The following PTPRA variants were observed in gnomAD, a reference collection of about 807,000 sequenced individuals.
PTPRA encodes the protein receptor-type tyrosine-protein phosphatase alpha.
In PTPRA, 25 loss-of-function variants were observed where a neutral mutation model predicts 104.8. The observed-to-expected ratio is 0.24, with a 90% CI of 0.17 to 0.33. The LOEUF (loss-of-function observed/expected upper bound fraction) is 0.33, where lower values mean the gene tolerates loss of function less well. Ranked by LOEUF, PTPRA falls within the 10% of genes least tolerant of loss-of-function variation. The pLI is 1.00. For synonymous variants in PTPRA, 323 were observed against 368.9 expected (o/e 0.88, Z 1.43); for missense variants, 765 against 1,015.3 (o/e 0.75, Z 3.35).
intron 5 of PTPRA, among the ~76,000 whole-genome samples, chr20:2,973,213 G>T (rs1371889263): frequency 6.7e-6 from 1 of 150,196 alleles, no homozygotes. Flanking sequence ...TTGCTATTGT[G>T]CATTTATAGT....
At chr20:2,864,881 C>T in the PTPRA span, 1 of 1,548,666 alleles carries the variant, frequency 6.5e-7, no homozygotes. This position sits in a 1 kb window ranked among gnomAD's most constrained non-coding sequence, Gnocchi z 5.2. Context: ...ACCCTGGCGA[C>T]CCTGGGCACA....
chr20:2,941,419 C>A (rs896626152), intron 2 of PTPRA, among the ~76,000 whole-genome samples: 13 of 152,134 alleles, frequency 8.5e-5, no homozygotes, highest in Admixed American at 2.0e-4. Context: ...TCCCTGTCAC[C>A]CCAAGAGCAA....
chr20:3,029,135 TTTTGTTTGTTTG>T lies in PTPRA; in HGVS notation c.1920+1307_1920+1318del, dbSNP rs71195812. ...ATCAGGATTTTTTTTTTTTTTTTGG[TTTTGTTTGTTTG>T]TTTGTTTGTTTGAGAGAGGGTCTCA... is the stretch of plus-strand genomic sequence containing the variant. On this transcript the variant is annotated intron_variant, in intron 20 of 23. Coordinates refer to ENST00000399903, the MANE Select transcript of PTPRA (RefSeq NM_001385305.1). Among the ~76,000 whole-genome samples the T allele has an allele frequency of 4.6e-5, 6 of 131,626 alleles. No individual in the cohort carries two copies. In the East Asian group the frequency reaches 1.4e-3, roughly 31 times the overall value. The allele number at this position is 131,626 out of a possible 152,430, so 86.4% of individuals were successfully genotyped here. A position where few individuals can be genotyped will look rare whatever the true frequency, so the allele number is the denominator to read the frequency against.
At chr20:2,913,808 A>G (rs2059804597) in intron 1 of PTPRA, among the ~76,000 whole-genome samples, 1 of 152,052 alleles carries the variant, frequency 6.6e-6, no homozygotes, top group Admixed American at 6.6e-5. Flanking sequence ...TCAGTATTTT[A>G]TGAGGAGGAG....
chr20:2,928,015 A>G (rs1349302034), intron 2 of PTPRA, among the ~76,000 whole-genome samples: 2 of 151,440 alleles, frequency 1.3e-5, no homozygotes, highest in Admixed American at 6.6e-5. Flanking sequence ...ATCTCAGTCA[A>G]TCAATCAGTC....
In PTPRA at chr20:3,038,254, C is replaced by A; in HGVS notation, c.*121C>A. 1.1e-6 allele frequency: 1 copy of A among 876,128 alleles called. No individual in the cohort carries two copies. The highest frequency in any genetic ancestry group is 1.8e-6 in the Non-Finnish European group (1 of 566,922). 54.3% of individuals were successfully genotyped at this position (876,128 alleles called of 1,614,324 possible). A position where few individuals can be genotyped will look rare whatever the true frequency, so the allele number is the denominator to read the frequency against. ...ACTGTTTTAGAAATTGGTACATAGGCTTCTATTACCTATTAGGTGGAAATT... is the reference window on the plus strand; with the variant it reads ...ACTGTTTTAGAAATTGGTACATAGGATTCTATTACCTATTAGGTGGAAATT... On this transcript the variant is annotated 3_prime_UTR_variant, in exon 24 of 24. Transcript: ENST00000399903.
intron 3 of PTPRA, among the ~76,000 whole-genome samples, chr20:2,948,843 T>A (rs1190083146): frequency 1.3e-5 from 2 of 151,894 alleles, no homozygotes; most frequent in African/African-American, 2.4e-5. Flanking sequence ...TCCCAGCTGC[T>A]GGGGAGGCTG....
At chr20:2,866,147 C>A in the PTPRA span, 2 of 1,453,778 alleles carry the variant, frequency 1.4e-6, no homozygotes, top group South Asian at 2.3e-5. Flanking sequence ...CGCCTCTGCT[C>A]GTAAGAGAGA....
upstream of PTPRA, among the ~76,000 whole-genome samples, chr20:2,869,181 A>G (rs1392063276): frequency 1.3e-5 from 2 of 152,218 alleles, no homozygotes; most frequent in African/African-American, 4.8e-5. Context: ...GCATCTTACT[A>G]TATCACACAT....
At chr20:2,963,485 T>G (rs1033760556) in intron 3 of PTPRA, among the ~76,000 whole-genome samples, 3 of 151,822 alleles carry the variant, frequency 2.0e-5, no homozygotes, top group African/African-American at 7.3e-5. Context: ...TCTCAGCTAC[T>G]CGGGAGGCTG....
intron 3 of PTPRA, among the ~76,000 whole-genome samples, chr20:2,960,216 CCTCT>C (rs1031780765): frequency 6.6e-6 from 1 of 151,834 alleles, no homozygotes; most frequent in African/African-American, 2.4e-5. Context: ...CCTGCTTACT[CCTCT>C]CTCCCTTTTC....
intron 1 of PTPRA, among the ~76,000 whole-genome samples, chr20:2,874,302 A>G (rs1490185401): frequency 1.3e-5 from 2 of 152,130 alleles, no homozygotes; most frequent in Admixed American, 6.5e-5. Context: ...GAATAGGCCA[A>G]TTGAGAACGC....
chr20:2,916,323 G>T (rs1013366022), intron 1 of PTPRA, among the ~76,000 whole-genome samples: 5 of 152,054 alleles, frequency 3.3e-5, no homozygotes, highest in Admixed American at 2.0e-4. Flanking sequence ...GATTACAGGC[G>T]TGAGCCACCA....
chr20:3,005,119 A>G lies in PTPRA; in HGVS notation c.802A>G (p.Lys268Glu). 1 of 1,608,264 alleles carries G rather than the reference A, an allele frequency of 6.2e-7. No homozygotes were observed. Among genetic ancestry groups the G allele is most frequent in the Non-Finnish European group, 8.5e-7 (1 of 1,174,630 alleles). Residue 268 changes from lysine to glutamate, a missense_variant, in exon 10 of 24, where the codon AAA becomes GAA. Physicochemically the swap from Lys to Glu is moderately conservative, Grantham distance 56 (BLOSUM62 1). Around this residue, in one of 4 missense-constraint regions of PTPRA, gnomAD observed 245 missense variants for 398.7 expected, o/e 0.61. Transcript: ENST00000399903. The stretch of plus-strand genomic sequence containing the variant: ...TGCTTCCAAGGAGGAAAACAAGGAA[A>G]AAAATCGATATGTAAACATCTTGCC... ...EAASKEENKE[K>E]NRYVNILPYD...
In PTPRA at chr20:3,025,122, C is replaced by T. The variant is rs1351887518; in HGVS notation, c.1614+501C>T. On this transcript the variant is annotated intron_variant, in intron 17 of 23. Transcript: ENST00000399903. ...CTATATGCCACTAGACAATGGTTCTCAACACACCTAAGGCATATGTCACAC... is the reference window on the plus strand; with the variant it reads ...CTATATGCCACTAGACAATGGTTCTTAACACACCTAAGGCATATGTCACAC... Among the ~76,000 whole-genome samples the T allele has an allele frequency of 2.0e-5, 3 of 152,292 alleles. No homozygotes were observed. In the East Asian group the frequency reaches 5.8e-4, roughly 29 times the overall value.
chr20:2,948,717 C>CTCCCA (rs2061235371), intron 3 of PTPRA, among the ~76,000 whole-genome samples: 11 of 151,844 alleles, frequency 7.2e-5, no homozygotes, highest in Admixed American at 2.6e-4. Flanking sequence ...TTTGGGAGGC[C>CTCCCA]AAGGTGGGCG....
At chr20:2,989,017 A>T (rs1386482135) in intron 9 of PTPRA, among the ~76,000 whole-genome samples, 1 of 152,228 alleles carries the variant, frequency 6.6e-6, no homozygotes, top group Non-Finnish European at 1.5e-5. Context: ...ACCATGGGAG[A>T]CTGCAGAGCA....
chr20:2,910,355 A>G (rs1249641946), intron 1 of PTPRA, among the ~76,000 whole-genome samples: 1 of 88,132 alleles, frequency 1.1e-5, no homozygotes, highest in African/African-American at 4.3e-5. Context: ...TATATTATAT[A>G]TTTTATATAT....
At chr20:2,934,654 G>A (rs2147554279) in intron 2 of PTPRA, among the ~76,000 whole-genome samples, 1 of 150,122 alleles carries the variant, frequency 6.7e-6, no homozygotes, top group South Asian at 2.1e-4. Context: ...TCACCCAAGG[G>A]CTTTCAATTA....
Sources: gnomAD v4.1 joint callset for allele counts (sites outside exome capture counted in the v4.1 genomes callset) on GRCh38, gnomAD v4.1.1 for gene constraint, gnomAD v4.1.1 regional missense constraint, Gnocchi (gnomAD v3.1) non-coding constraint, MANE v1.5 for transcripts, NCBI Gene and HGNC (gene_info 2026-07-23, HGNC 2026-07-21) for gene names.